The following ARHGEF28 variants were observed in gnomAD, a reference collection of about 807,000 sequenced individuals.
ARHGEF28 encodes Rho guanine nucleotide exchange factor 28, also known as 190 kDa guanine nucleotide exchange factor.
ARHGEF28 carries 152 observed loss-of-function variants against 206.6 expected under a neutral mutation model. The ratio of observed to expected loss-of-function variants is 0.74; its 90% CI spans 0.64 to 0.84. The LOEUF is 0.84. ARHGEF28 is among the 40% of genes least tolerant of loss of function. The pLI is 0.00. For synonymous variants in ARHGEF28, 763 were observed against 776.4 expected (o/e 0.98, Z 0.29); for missense variants, 2,028 against 2,073.2 (o/e 0.98, Z 0.42).
At chr5:73,872,041 G>A (rs943365822) in intron 21 of ARHGEF28, among the ~76,000 whole-genome samples, 5 of 152,094 alleles carry the variant, frequency 3.3e-5, no homozygotes, top group Non-Finnish European at 7.4e-5. Flanking sequence ...GTAGCTTTAC[G>A]TTTAATCACT....
chr5:73,862,890 C>G (rs895105863), intron 16 of ARHGEF28, among the ~76,000 whole-genome samples: 4 of 149,050 alleles, frequency 2.7e-5, no homozygotes, highest in Admixed American at 1.3e-4. Context: ...GTGAATCCTT[C>G]TTGAACTCCT....
intron 2 of ARHGEF28, among the ~76,000 whole-genome samples, chr5:73,724,796 C>T (rs1750177640): frequency 6.6e-6 from 1 of 152,170 alleles, no homozygotes; most frequent in Non-Finnish European, 1.5e-5. Context: ...AGCTTATTCA[C>T]TGAAGGATAT....
chr5:73,811,153 T>G (rs972435773), intron 9 of ARHGEF28, among the ~76,000 whole-genome samples: 1 of 152,148 alleles, frequency 6.6e-6, no homozygotes, highest in South Asian at 2.1e-4. Context: ...GATCCAACAC[T>G]ATTTTGGTTT....
intron 30 of ARHGEF28, chr5:73,898,948 T>C (rs559611893): frequency 3.9e-5 from 6 of 152,182 alleles, no homozygotes; most frequent in African/African-American, 9.7e-5. Context: ...GAAGATTAAA[T>C]TGAACTCAAG....
Position 73,656,952 on chromosome 5 carries a change from C to T in ARHGEF28, c.-11-27889C>T, listed in dbSNP as rs552210672. Among the ~76,000 whole-genome samples the T allele has an allele frequency of 6.6e-5, 10 of 152,028 alleles. No individual in the cohort carries two copies. The South Asian group carries it at 1.5e-3, about 22-fold the overall frequency. ...TTGGGAGGCCGAGGTGGGTGGATCA[C>T]GAGGTCAGGAGATGGAGACCATCCT... On this transcript the variant is annotated intron_variant, in intron 1 of 35. Coordinates refer to ENST00000513042, the MANE Select transcript of ARHGEF28 (RefSeq NM_001177693.2).
At chr5:73,777,453 G>A (rs1047694443) in intron 6 of ARHGEF28, among the ~76,000 whole-genome samples, 1 of 152,056 alleles carries the variant, frequency 6.6e-6, no homozygotes, top group Non-Finnish European at 1.5e-5. Context: ...CACAGGTCTC[G>A]TGACTATTTA....
chr5:73,750,722 TGTCA>T (rs1751977529), intron 3 of ARHGEF28, among the ~76,000 whole-genome samples: 1 of 152,198 alleles, frequency 6.6e-6, no homozygotes, highest in Non-Finnish European at 1.5e-5. Context: ...GGAATTAAAA[TGTCA>T]TTACCTACAG....
In ARHGEF28 at chr5:73,687,552, A is replaced by G. The variant is rs1191628357; in HGVS notation, c.33+2668A>G. 2.0e-5 allele frequency among the ~76,000 whole-genome samples: 3 copies of G among 152,038 alleles called. 1 individual carries two copies. In the South Asian group the frequency reaches 6.2e-4, roughly 31 times the overall value. ...GAAAATGAGTCTTAAACCAAAATCT[A>G]CCAAATGGGTAATGTCGTGCAGACA... On this transcript the variant is annotated intron_variant, in intron 2 of 35. Transcript: ENST00000513042.
intron 15 of ARHGEF28, 148 bp downstream of exon 15, chr5:73,857,927 A>G (rs1027936779): frequency 2.2e-6 from 3 of 1,380,118 alleles, no homozygotes; most frequent in African/African-American, 2.9e-5. Context: ...AGCCCAGAAT[A>G]TAACATTTAG....
chr5:73,744,277 C>T (rs755855876), intron 2 of ARHGEF28, among the ~76,000 whole-genome samples: 6 of 152,116 alleles, frequency 3.9e-5, no homozygotes, highest in African/African-American at 9.7e-5. Context: ...TTTGTGCCCA[C>T]GGTGCTTCCT....
At chr5:73,861,078 GATT>G (rs1759368226) in intron 16 of ARHGEF28, among the ~76,000 whole-genome samples, 2 of 152,108 alleles carry the variant, frequency 1.3e-5, no homozygotes, top group Non-Finnish European at 2.9e-5. Flanking sequence ...TTTAAAATTG[GATT>G]ATTTACAGTC....
At chr5:73,870,852 A>C (rs1222826052) in intron 21 of ARHGEF28, among the ~76,000 whole-genome samples, 1 of 152,220 alleles carries the variant, frequency 6.6e-6, no homozygotes, top group Non-Finnish European at 1.5e-5. Context: ...ACTACAAAGT[A>C]GATTCCAAAA....
At chr5:73,846,501 A>G (rs758637699) in intron 12 of ARHGEF28, 26 bp downstream of exon 12, 2 of 1,593,860 alleles carry the variant, frequency 1.3e-6, no homozygotes. Context: ...TTAATTTGGT[A>G]TATTGCAAGT....
At chr5:73,714,367 G>T (rs1749439494) in intron 2 of ARHGEF28, among the ~76,000 whole-genome samples, 4 of 152,196 alleles carry the variant, frequency 2.6e-5, no homozygotes, top group Admixed American at 2.6e-4. Flanking sequence ...TGAATAAAAG[G>T]TTGAAGGTGT....
At chr5:73,938,201 A>AC (rs1561211238) in intron 35 of ARHGEF28, among the ~76,000 whole-genome samples, 1 of 34,266 alleles carries the variant, frequency 2.9e-5, no homozygotes, top group Non-Finnish European at 8.3e-5. Context: ...CACACACACA[A>AC]CTCCCCATCC....
chr5:73,629,244 C>T (rs1354636696), intron 1 of ARHGEF28, among the ~76,000 whole-genome samples: 1 of 151,978 alleles, frequency 6.6e-6, no homozygotes, highest in African/African-American at 2.4e-5. Flanking sequence ...ATGCACATAA[C>T]CCCAACACTT....
At chr5:73,726,572 A>G (rs1162002334) in intron 2 of ARHGEF28, among the ~76,000 whole-genome samples, 1 of 152,242 alleles carries the variant, frequency 6.6e-6, no homozygotes, top group Non-Finnish European at 1.5e-5. Flanking sequence ...GTGTATCAAT[A>G]CAGTATACGA....
At chr5:73,875,532 C>G (rs1358674070) in intron 22 of ARHGEF28, among the ~76,000 whole-genome samples, 29 of 150,538 alleles carry the variant, frequency 1.9e-4, no homozygotes, top group African/African-American at 7.1e-4. Flanking sequence ...AGGTTTTCTT[C>G]TAGGGTTTTT....
At chr5:73,869,898 A>G (rs1369340071) in intron 20 of ARHGEF28, among the ~76,000 whole-genome samples, 171 bp from the exon 21 acceptor site, 1 of 143,514 alleles carries the variant, frequency 7.0e-6, no homozygotes, top group Non-Finnish European at 1.6e-5. Flanking sequence ...ACAGAGAGAA[A>G]CTGTCTCAAA....
Sources: gnomAD v4.1 joint callset for allele counts (sites outside exome capture counted in the v4.1 genomes callset) on GRCh38, gnomAD v4.1.1 for gene constraint, MANE v1.5 for transcripts, NCBI Gene and HGNC (gene_info 2026-07-23, HGNC 2026-07-21) for gene names.